Variants in STK39 observed in about 807,000 individuals in gnomAD.
STK39 encodes STE20/SPS1-related proline-alanine-rich protein kinase.
In STK39, 20 loss-of-function variants were observed where a neutral mutation model predicts 77.8. That is an observed-to-expected ratio of 0.26 (90% confidence interval 0.18 to 0.37). The LOEUF (loss-of-function observed/expected upper bound fraction) is 0.37, where lower values mean the gene tolerates loss of function less well. Among genes scored for constraint, STK39 ranks in the 10% least tolerant of loss-of-function variants. The pLI, the probability that STK39 is intolerant of heterozygous loss-of-function variation, is 1.00. For missense variants in STK39, 479 were observed against 656.5 expected (o/e 0.73, Z 2.95); for synonymous variants, 246 against 234.1 (o/e 1.05, Z -0.47).
At chr2:168,173,590 C>A (rs1185060787) in intron 2 of STK39, among the ~76,000 whole-genome samples, 1 of 151,622 alleles carries the variant, frequency 6.6e-6, no homozygotes, top group Non-Finnish European at 1.5e-5. Flanking sequence ...GAGTTTTGCT[C>A]CTTGTTGCCC....
chr2:168,018,851 C>T (rs1370730057), intron 14 of STK39, among the ~76,000 whole-genome samples: 1 of 152,128 alleles, frequency 6.6e-6, no homozygotes, highest in African/African-American at 2.4e-5. Context: ...CACATCCAAC[C>T]ACACTAAGAG....
intron 14 of STK39, among the ~76,000 whole-genome samples, chr2:168,040,800 T>C (rs1167371352): frequency 6.6e-6 from 1 of 152,246 alleles, no homozygotes; most frequent in Non-Finnish European, 1.5e-5. Flanking sequence ...TCTCTGTATA[T>C]GTTTATCTTC....
chr2:168,036,610 G>A (rs985698463), intron 14 of STK39, among the ~76,000 whole-genome samples: 1 of 152,324 alleles, frequency 6.6e-6, no homozygotes, highest in South Asian at 2.1e-4. Context: ...GCAACACAGA[G>A]CTTCAGACTT....
chr2:168,208,257 T>G (rs1322647637), intron 1 of STK39, among the ~76,000 whole-genome samples: 1 of 152,192 alleles, frequency 6.6e-6, no homozygotes, highest in African/African-American at 2.4e-5. Flanking sequence ...CAATACAACC[T>G]GTCACCAACA....
chr2:168,164,292 T>C (rs1013314800), intron 3 of STK39, among the ~76,000 whole-genome samples: 22 of 152,186 alleles, frequency 1.4e-4, no homozygotes, highest in African/African-American at 5.3e-4. Context: ...AAACACACTC[T>C]TTGAGGACCT....
At chr2:168,182,260 T>C (rs537748322) in intron 1 of STK39, among the ~76,000 whole-genome samples, 170 bp from the exon 2 acceptor site, 2 of 152,130 alleles carry the variant, frequency 1.3e-5, no homozygotes, top group Non-Finnish European at 2.9e-5. Flanking sequence ...AAAATAATTA[T>C]CTGGAGGAGA....
At chr2:168,114,696 T>C (rs1362809793) in intron 10 of STK39, among the ~76,000 whole-genome samples, 2 of 152,192 alleles carry the variant, frequency 1.3e-5, no homozygotes, top group Non-Finnish European at 2.9e-5. Flanking sequence ...CATAGGATTA[T>C]GGAAACTGCA....
intron 5 of STK39, among the ~76,000 whole-genome samples, chr2:168,157,925 T>C (rs71430617): frequency 0.15 from 23,487 of 152,008 alleles, 1,932 homozygotes; most frequent in East Asian, 0.25. Context: ...GTAGCCACTA[T>C]TTTTTTTAAA....
chr2:168,030,383 T>C (rs1338178336), intron 14 of STK39, among the ~76,000 whole-genome samples: 3 of 152,292 alleles, frequency 2.0e-5, no homozygotes, highest in African/African-American at 4.8e-5. Flanking sequence ...AAATATAAAG[T>C]GAGCAGACAA....
intron 10 of STK39, among the ~76,000 whole-genome samples, chr2:168,081,930 T>G (rs1230348518): frequency 6.6e-6 from 1 of 152,180 alleles, no homozygotes; most frequent in Non-Finnish European, 1.5e-5. Context: ...TTGTGAGGCC[T>G]CCCTAGCCAC....
chr2:168,085,202 G>C (rs1686333955), intron 10 of STK39, among the ~76,000 whole-genome samples: 1 of 152,204 alleles, frequency 6.6e-6, no homozygotes. Context: ...AGTCTGAGAA[G>C]GCTCCTTAGC....
intron 16 of STK39, among the ~76,000 whole-genome samples, chr2:167,978,489 T>C (rs946070950): frequency 7.2e-5 from 11 of 152,198 alleles, no homozygotes; most frequent in African/African-American, 2.7e-4. Flanking sequence ...TTTCATGGCA[T>C]TTACTGGATT....
At chr2:168,019,653 G>T (rs2105324255) in intron 14 of STK39, among the ~76,000 whole-genome samples, 1 of 152,230 alleles carries the variant, frequency 6.6e-6, no homozygotes, top group African/African-American at 2.4e-5. Context: ...TGGGAGGATG[G>T]TTTGTGTGCT....
rs78341454 is a variant in STK39, at chr2:168,161,632, G to C, written c.628+155C>G. Among the ~76,000 whole-genome samples, 847 of 152,196 alleles carry C rather than the reference G, an allele frequency of 5.6e-3. 3 individuals are homozygous for C. Among genetic ancestry groups the C allele is most frequent in the Non-Finnish European group, 9.6e-3 (653 of 68,006 alleles). ...TCTAATGACTTATCAAAACAATAAG[G>C]AAAATATGTTATCCTTCGGACCCAA... On this transcript the variant is annotated intron_variant, in intron 5 of 17. Coordinates refer to ENST00000355999, the MANE Select transcript of STK39 (RefSeq NM_013233.3).
rs115266930 is a variant in STK39, at chr2:168,195,342, G to C, written c.209-13252C>G. 6.8e-3 allele frequency among the ~76,000 whole-genome samples: 1,036 copies of C among 152,300 alleles called. 8 individuals are homozygous for C. Among genetic ancestry groups the C allele is most frequent in the African/African-American group, 0.024 (989 of 41,554 alleles). ...TTGAGCAGAGGAAGTTGAGGTTGCAGTGAGCCACGATGGCACTACTGCACT... is the reference window on the plus strand; with the variant it reads ...TTGAGCAGAGGAAGTTGAGGTTGCACTGAGCCACGATGGCACTACTGCACT... On this transcript the variant is annotated intron_variant, in intron 1 of 17. Transcript: ENST00000355999.
chr2:168,106,228 T>A (rs958157647), intron 10 of STK39, among the ~76,000 whole-genome samples: 1 of 152,228 alleles, frequency 6.6e-6, no homozygotes, highest in Non-Finnish European at 1.5e-5. Context: ...TTACCAGATG[T>A]GAGCCTCTGG....
intron 5 of STK39, among the ~76,000 whole-genome samples, chr2:168,142,097 T>C (rs1687998943): frequency 6.6e-6 from 1 of 152,232 alleles, no homozygotes; most frequent in South Asian, 2.1e-4. Context: ...AATAACTTAA[T>C]ATGCATATAT....
At position 167,958,216 on chromosome 2, in the gene STK39, C is replaced by T. The variant is rs568447639; in HGVS notation, c.1564-2646G>A. On this transcript the variant is annotated intron_variant, in intron 17 of 17. Transcript: ENST00000355999. ...AGTGTCTGCTTATGTGGGTTATATT[C>T]GTTAGACTGACTGTCTTAGAAATTA... 8.5e-5 allele frequency among the ~76,000 whole-genome samples: 13 copies of T among 152,146 alleles called. No individual in the cohort carries two copies. The South Asian group carries it at 2.5e-3, about 29-fold the overall frequency.
At chr2:168,131,677 C>T (rs1687701027) in intron 8 of STK39, among the ~76,000 whole-genome samples, 4 of 152,150 alleles carry the variant, frequency 2.6e-5, no homozygotes, top group Admixed American at 2.6e-4. Flanking sequence ...CCTGGATCTC[C>T]GTATCTACCT....
Sources: allele counts gnomAD v4.1 joint callset (sites outside exome capture counted in the v4.1 genomes callset), GRCh38; gene constraint gnomAD v4.1.1; transcripts MANE v1.5; gene names NCBI Gene and HGNC (gene_info 2026-07-23, HGNC 2026-07-21).